Variants in HOMEZ observed in about 807,000 individuals in gnomAD.
HOMEZ encodes the protein homeobox and leucine zipper protein Homez.
Under a neutral mutation model 50.1 loss-of-function variants are expected in HOMEZ, and 20 were observed. The ratio of observed to expected loss-of-function variants is 0.40; its 90% CI spans 0.28 to 0.58. The LOEUF is 0.58. HOMEZ is among the 20% of genes least tolerant of loss of function. The pLI, the probability that HOMEZ is intolerant of heterozygous loss-of-function variation, is 0.46. For synonymous variants in HOMEZ, 239 were observed against 254.7 expected, an observed-to-expected ratio of 0.94 and a Z score of 0.59; for missense variants, 579 against 680.5, an observed-to-expected ratio of 0.85 and a Z score of 1.66.
intron 1 of HOMEZ, among the ~76,000 whole-genome samples, chr14:23,281,799 AAATAAT>A (rs55828215): frequency 0.15 from 19,995 of 137,348 alleles, 1,753 homozygotes; most frequent in Non-Finnish European, 0.19. Flanking sequence ...CTGTCTCTAC[AAATAAT>A]AATAATAATA....
intron 1 of HOMEZ, among the ~76,000 whole-genome samples, chr14:23,280,742 T>TTCATTTCATTTCATTTC (rs1555323619): frequency 2.7e-5 from 2 of 74,264 alleles, no homozygotes; most frequent in Non-Finnish European, 5.5e-5. Context: ...TTTATTTTAT[T>TTCATTTCATTTCATTTC]ATTTTATTTT....
intron 1 of HOMEZ, 25 bp downstream of exon 1, chr14:23,285,888 G>A (rs2140511290): frequency 8.1e-7 from 1 of 1,234,366 alleles, no homozygotes; most frequent in East Asian, 3.2e-5. Flanking sequence ...GGGAGGGGAA[G>A]TCCAAGGGGC....
chr14:23,275,822 T>G lies in HOMEZ; in HGVS notation c.1406A>C (p.Tyr469Ser). ...PPPDIQPLER[Y>S]WAAHQQLRET... is the part of the protein sequence containing the mutation. ...CCGTAGCTGTTGGTGGGCTGCCCAG[T>G]ACCTCTCCAAGGGTTGTATATCCGG... Residue 469 changes from tyrosine (Y) to serine (S), a missense_variant, in exon 2 of 2, where the codon TAC becomes TCC. Tyr to Ser is a moderately radical substitution (Grantham distance 144). Coordinates refer to ENST00000357460, the MANE Select transcript of HOMEZ (RefSeq NM_020834.3). The G allele has an allele frequency of 2.5e-6, 4 of 1,606,680 alleles. No individual in the cohort carries two copies. Among genetic ancestry groups the G allele is most frequent in the Non-Finnish European group, 3.4e-6 (4 of 1,175,848 alleles).
At position 23,275,314 on chromosome 14, in the gene HOMEZ, G is replaced by A. The variant is rs1886316694; in HGVS notation, c.*261C>T. ...GAGCAAGAGCAGCTTCCCAGCCCAT[G>A]GTTTCCCCAGATCCTTAGCACTCCC... is the stretch of plus-strand genomic sequence containing the variant. On this transcript the variant is annotated 3_prime_UTR_variant, in exon 2 of 2. Coordinates refer to ENST00000357460, the MANE Select transcript of HOMEZ (RefSeq NM_020834.3). 2 of 479,316 alleles carry A rather than the reference G, an allele frequency of 4.2e-6. No homozygotes were observed. The highest frequency in any genetic ancestry group is 3.8e-5 in the Admixed American group (1 of 26,024). 29.7% of individuals were successfully genotyped at this position (479,316 alleles called of 1,614,324 possible).
chr14:23,277,808 AGTGTGTATGT>A (rs1886399716), intron 1 of HOMEZ, among the ~76,000 whole-genome samples: 2 of 148,958 alleles, frequency 1.3e-5, no homozygotes, highest in Non-Finnish European at 3.0e-5. Context: ...AGCTTTTTTT[AGTGTGTATGT>A]GTGTGTCTGT....
intron 1 of HOMEZ, 62 bp from the exon 2 acceptor site, chr14:23,277,249 T>C: frequency 7.1e-7 from 1 of 1,402,622 alleles, no homozygotes; most frequent in Non-Finnish European, 9.4e-7. Flanking sequence ...CTGCTCAATT[T>C]CTACCAAACT....
At chr14:23,277,426 C>A (rs1366367104) in intron 1 of HOMEZ, among the ~76,000 whole-genome samples, 1 of 152,204 alleles carries the variant, frequency 6.6e-6, no homozygotes, top group Non-Finnish European at 1.5e-5. Flanking sequence ...TTACCCCAAG[C>A]CACATGACTG....
Position 23,276,868 on chromosome 14 carries a change from T to C in HOMEZ, c.360A>G (p.Glu120=), listed in dbSNP as rs1367594400. ...CGISWSSEEI[E]ETRARVVYRR... The stretch of plus-strand genomic sequence containing the variant: ...GGTAGACTACTCGGGCTCGAGTCTC[T>C]TCTATTTCTTCAGATGACCAGCTAA... The change falls in exon 2 of 2, where the codon GAA becomes GAG. Residue 120 remains glutamate (E), a synonymous_variant. Coordinates refer to ENST00000357460, the MANE Select transcript of HOMEZ (RefSeq NM_020834.3). This position sits in a 1 kb window ranked among gnomAD's most constrained non-coding sequence, Gnocchi z 4.1. The C allele has an allele frequency of 1.9e-6, 3 of 1,614,070 alleles. No homozygotes were observed. Among genetic ancestry groups the C allele is most frequent in the South Asian group, 2.2e-5 (2 of 91,088 alleles).
Position 23,276,204 on chromosome 14 carries a change from C to A in HOMEZ, c.1024G>T (p.Gly342Cys). The change falls in exon 2 of 2, where the codon GGT becomes TGT. Residue 342 changes from glycine (G) to cysteine (C), a missense_variant. Gly to Cys is a radical substitution (Grantham distance 159, BLOSUM62 -3). Coordinates refer to ENST00000357460, the MANE Select transcript of HOMEZ (RefSeq NM_020834.3). This position sits in a 1 kb window ranked among gnomAD's most constrained non-coding sequence, Gnocchi z 4.1. ...AGGTACTCTGTGGGGCCAACTCTACCTGGTACTGAGTTATGCCGTAGCCCT... is the reference window on the plus strand; with the variant it reads ...AGGTACTCTGTGGGGCCAACTCTACATGGTACTGAGTTATGCCGTAGCCCT... ...PQGLRHNSVPGRVGPTEYLSP... is the reference protein window; with the variant it reads ...PQGLRHNSVPCRVGPTEYLSP... 1 of 1,613,984 alleles carries A rather than the reference C, an allele frequency of 6.2e-7. No individual in the cohort carries two copies. The highest frequency in any genetic ancestry group is 8.5e-7 in the Non-Finnish European group (1 of 1,179,892).
chr14:23,275,647 A>G lies in HOMEZ; in HGVS notation c.1581T>C (p.Asp527=). 1 of 1,561,690 alleles carries G rather than the reference A, an allele frequency of 6.4e-7. No homozygotes were observed. The highest frequency in any genetic ancestry group is 1.2e-5 in the South Asian group (1 of 85,134). The stretch of plus-strand genomic sequence containing the variant: ...CCTCCTCCTCCTCCTCTTCCTCATC[A>G]TCTTCTGGCAGTTCTTCCTCCTCCT... ...EEEEEEELPE[D]DEEEEEEEEE... The change falls in exon 2 of 2, where the codon GAT becomes GAC. Residue 527 remains aspartate, a synonymous_variant. Coordinates refer to ENST00000357460, the MANE Select transcript of HOMEZ (RefSeq NM_020834.3).
rs368281159 is a variant in HOMEZ, at chr14:23,276,307, C to T, written c.921G>A (p.Gln307=). ...NGATAASKPL[Q]PLGCVPQSVS... is the part of the protein sequence containing the mutation. ...CTGACTGTGGGACACAGCCTAGTGG[C>T]TGGAGGGGTTTAGAGGCGGCAGTAG... The change falls in exon 2 of 2, where the codon CAG becomes CAA. Residue 307 remains glutamine (Q), a synonymous_variant. Transcript: ENST00000357460. The surrounding 1 kb of genome is among the most constrained non-coding windows in gnomAD (Gnocchi z 4.1). 91 of 1,613,802 alleles carry T rather than the reference C, an allele frequency of 5.6e-5. No homozygotes were observed. The African/African-American group carries it at 1.1e-3, about 20-fold the overall frequency.
rs780152245 is a variant in HOMEZ, at chr14:23,276,978, C to G, written c.250G>C (p.Asp84His). The G allele has an allele frequency of 1.2e-6, 2 of 1,613,940 alleles. No homozygotes were observed. The highest frequency in any genetic ancestry group is 1.7e-6 in the Non-Finnish European group (2 of 1,179,906). Residue 84 changes from aspartate to histidine, a missense_variant, in exon 2 of 2, where the codon GAC (aspartate) becomes CAC (histidine). By Grantham distance (81) the Asp-to-His change is moderately conservative. Coordinates refer to ENST00000357460, the MANE Select transcript of HOMEZ (RefSeq NM_020834.3). This position sits in a 1 kb window ranked among gnomAD's most constrained non-coding sequence, Gnocchi z 4.1. The part of the protein sequence containing the change: ...FSYFPYPSLA[D>H]IALLCLRYGL... ...TAACGTAGGCAGAGAAGGGCAATGT[C>G]TGCTAGGCTGGGATAGGGAAAGTAG...
chr14:23,281,632 T>G (rs933119321), intron 1 of HOMEZ, among the ~76,000 whole-genome samples: 41 of 151,972 alleles, frequency 2.7e-4, no homozygotes, highest in African/African-American at 9.7e-4. Context: ...CCTCAGGCAG[T>G]TATTTAACTT....
intron 1 of HOMEZ, among the ~76,000 whole-genome samples, chr14:23,280,735 A>ATTT (rs1284123383): frequency 6.4e-5 from 5 of 78,716 alleles, no homozygotes; most frequent in South Asian, 4.2e-4. Flanking sequence ...ATTTTATTTT[A>ATTT]TTTTATTATT....
chr14:23,280,346 A>G (rs1886461369), intron 1 of HOMEZ, among the ~76,000 whole-genome samples: 1 of 152,156 alleles, frequency 6.6e-6, no homozygotes, highest in African/African-American at 2.4e-5. Context: ...CAGGGAGCCC[A>G]GAAAGCTCCC....
In HOMEZ at chr14:23,285,980, AG is replaced by A. The variant is rs1366527777; in HGVS notation, c.-29del. 10 of 1,224,142 alleles carry A rather than the reference AG, an allele frequency of 8.2e-6. No individual in the cohort carries two copies. The highest frequency in any genetic ancestry group is 9.2e-6 in the Non-Finnish European group (9 of 974,020). 75.8% of individuals were successfully genotyped at this position (1,224,142 alleles called of 1,614,324 possible). Reference sequence around the variant, plus strand: ...GCCGGGGGGAAGTGGGGGAGAGGGCAGGGGGCCTCCGAGTGGGAGTGGGGTT... The same window carrying A: ...GCCGGGGGGAAGTGGGGGAGAGGGCAGGGGCCTCCGAGTGGGAGTGGGGTT... On this transcript the variant is annotated 5_prime_UTR_variant, in exon 1 of 2. Coordinates refer to ENST00000357460, the MANE Select transcript of HOMEZ (RefSeq NM_020834.3).
chr14:23,285,965 A>T lies in HOMEZ; in HGVS notation c.-13T>A. 1.7e-6 allele frequency: 2 copies of T among 1,191,920 alleles called. No individual in the cohort carries two copies. Among genetic ancestry groups the T allele is most frequent in the East Asian group, 3.4e-5 (1 of 29,490 alleles). 73.8% of individuals were successfully genotyped at this position (1,191,920 alleles called of 1,614,324 possible). On this transcript the variant is annotated 5_prime_UTR_variant, in exon 1 of 2. Coordinates refer to ENST00000357460, the MANE Select transcript of HOMEZ (RefSeq NM_020834.3). The stretch of plus-strand genomic sequence containing the variant: ...AGCCTCGCACCATGGGCCGGGGGGA[A>T]GTGGGGGAGAGGGCAGGGGGCCTCC...
chr14:23,276,249 G>A lies in HOMEZ; in HGVS notation c.979C>T (p.Leu327=). Residue 327 remains leucine, a synonymous_variant, in exon 2 of 2, where the codon CTG becomes TTG. Coordinates refer to ENST00000357460, the MANE Select transcript of HOMEZ (RefSeq NM_020834.3). This position sits in a 1 kb window ranked among gnomAD's most constrained non-coding sequence, Gnocchi z 4.1. ...SPSEQALPPH[L]EPAWPQGLRH... is the part of the protein sequence containing the mutation. ...AGCCCTTGGGGCCAGGCTGGTTCCA[G>A]ATGTGGGGGTAATGCCTGTTCACTG... 6.2e-7 allele frequency: 1 copy of A among 1,614,018 alleles called. No homozygotes were observed. Among genetic ancestry groups the A allele is most frequent in the Non-Finnish European group, 8.5e-7 (1 of 1,179,910 alleles).
intron 1 of HOMEZ, among the ~76,000 whole-genome samples, chr14:23,283,142 G>A (rs1242679401): frequency 6.6e-6 from 1 of 152,120 alleles, no homozygotes; most frequent in Admixed American, 6.5e-5. Context: ...AGAGGAGGTA[G>A]TGGTGGTGGT....
Sources: allele counts gnomAD v4.1 joint callset (sites outside exome capture counted in the v4.1 genomes callset), GRCh38; gene constraint gnomAD v4.1.1; non-coding constraint Gnocchi (gnomAD v3.1); transcripts MANE v1.5; gene names NCBI Gene and HGNC (gene_info 2026-07-23, HGNC 2026-07-21).